NETO1: variants seen among roughly 807,000 people sequenced by gnomAD.
The protein encoded by NETO1 is neuropilin and tolloid like 1, also known as neuropilin and tolloid-like protein 1.
Under a neutral mutation model 61.3 loss-of-function variants are expected in NETO1, and 26 were observed. The observed-to-expected ratio is 0.42, with a 90% CI of 0.31 to 0.59. NETO1 has a LOEUF of 0.59. NETO1 is among the 20% of genes least tolerant of loss of function. NETO1 has a pLI of 0.12. For missense variants in NETO1, 531 were observed against 662.8 expected, an observed-to-expected ratio of 0.80 and a Z score of 2.18; for synonymous variants, 225 against 225.8, an observed-to-expected ratio of 1.00 and a Z score of 0.03.
At position 72,747,470 on chromosome 18, in the gene NETO1, T is replaced by A. The variant is rs1421646741; in HGVS notation, c.*709A>T. On this transcript the variant is annotated 3_prime_UTR_variant, in exon 11 of 11. Coordinates refer to ENST00000327305, the MANE Select transcript of NETO1 (RefSeq NM_138966.5). ...AAACATTTCTACTGTAGAGTATGAA[T>A]GGTAAAATACCTGACTTCAAAAAGG... The A allele has an allele frequency of 7.1e-6, 1 of 141,500 alleles. No individual in the cohort carries two copies. Among genetic ancestry groups the A allele is most frequent in the Non-Finnish European group, 1.6e-5 (1 of 62,394 alleles). The allele number at this position is 141,500 out of a possible 1,614,324, so 8.8% of individuals were successfully genotyped here.
chr18:72,802,721 C>T (rs35817156), intron 4 of NETO1, among the ~76,000 whole-genome samples: 33,026 of 152,118 alleles, frequency 0.22, 4,437 homozygotes, highest in East Asian at 0.43. Context: ...GGTGTCTTAG[C>T]AATGAATCAG....
chr18:72,748,317 G>A (rs962687603), intron 10 of NETO1, 153 bp from the exon 11 acceptor site: 2 of 983,696 alleles, frequency 2.0e-6, no homozygotes, highest in African/African-American at 3.5e-5. Flanking sequence ...TAGCTGTCAA[G>A]CAGATTCAAT....
intron 7 of NETO1, among the ~76,000 whole-genome samples, chr18:72,759,984 G>A (rs1483252455): frequency 6.6e-6 from 1 of 152,152 alleles, no homozygotes; most frequent in Non-Finnish European, 1.5e-5. Context: ...AGCAAATAGA[G>A]CTTCCCATTG....
At chr18:72,844,362 T>C (rs960354667) in intron 4 of NETO1, among the ~76,000 whole-genome samples, 2 of 152,212 alleles carry the variant, frequency 1.3e-5, no homozygotes, top group East Asian at 3.9e-4. Flanking sequence ...CTCTCTCTGC[T>C]CAATCATCCA....
intron 6 of NETO1, among the ~76,000 whole-genome samples, chr18:72,792,158 G>A (rs763598626): frequency 1.8e-4 from 28 of 152,118 alleles, no homozygotes; most frequent in Non-Finnish European, 4.0e-4. Context: ...TTCACTGGGC[G>A]TGGTGATTCA....
At chr18:72,838,328 A>C (rs911375469) in intron 4 of NETO1, among the ~76,000 whole-genome samples, 29 of 152,214 alleles carry the variant, frequency 1.9e-4, no homozygotes, top group Admixed American at 8.5e-4. Flanking sequence ...TTATGTGAGC[A>C]CTTTGGACTC....
chr18:72,843,238 T>C (rs1473577151), intron 4 of NETO1, among the ~76,000 whole-genome samples: 3 of 152,226 alleles, frequency 2.0e-5, no homozygotes, highest in East Asian at 3.8e-4. Flanking sequence ...TTAACTTTAC[T>C]GTGCTATGGC....
At chr18:72,849,606 TTTTA>T (rs2074191288) in intron 4 of NETO1, among the ~76,000 whole-genome samples, 1 of 152,232 alleles carries the variant, frequency 6.6e-6, no homozygotes, top group Non-Finnish European at 1.5e-5. Context: ...ATTTTAAGGT[TTTTA>T]TTTATTTATT....
At chr18:72,831,619 A>G (rs2073581648) in intron 4 of NETO1, among the ~76,000 whole-genome samples, 3 of 152,206 alleles carry the variant, frequency 2.0e-5, no homozygotes, top group Admixed American at 6.5e-5. Context: ...TTGTGATCCA[A>G]TGGTGATTCT....
intron 4 of NETO1, among the ~76,000 whole-genome samples, chr18:72,852,525 CT>C (rs1337075567): frequency 6.6e-6 from 1 of 152,104 alleles, no homozygotes; most frequent in Non-Finnish European, 1.5e-5. Context: ...GGAAGACACT[CT>C]TTCTTTATGG....
In NETO1 at chr18:72,772,797, C is replaced by A. The variant is rs1249184690; in HGVS notation, c.868+10881G>T. 3.9e-3 allele frequency among the ~76,000 whole-genome samples: 112 copies of A among 28,496 alleles called. 9 individuals are homozygous for A. Among genetic ancestry groups the A allele is most frequent in the South Asian group, 0.013 (6 of 452 alleles). 18.7% of individuals were successfully genotyped at this position (28,496 alleles called of 152,430 possible). A position where few individuals can be genotyped will look rare whatever the true frequency, so the allele number is the denominator to read the frequency against. ...TATATACAGATCTCTATATAGTTCT[C>A]TCTCTCTCTCTCTCTCTCTCTCTCT... On this transcript the variant is annotated intron_variant, in intron 7 of 10. Transcript: ENST00000327305.
intron 4 of NETO1, among the ~76,000 whole-genome samples, chr18:72,825,724 T>A (rs930688368): frequency 6.6e-6 from 1 of 152,198 alleles, no homozygotes; most frequent in Non-Finnish European, 1.5e-5. Context: ...AAATCTTTGT[T>A]AATACTTGAA....
chr18:72,823,699 G>A (rs980022711), intron 4 of NETO1, among the ~76,000 whole-genome samples: 2 of 152,100 alleles, frequency 1.3e-5, no homozygotes, highest in Admixed American at 6.6e-5. Context: ...TTTTTCAATA[G>A]ATTTTTAAAA....
intron 4 of NETO1, among the ~76,000 whole-genome samples, chr18:72,850,079 A>T (rs1489488931): frequency 6.6e-6 from 1 of 152,192 alleles, no homozygotes; most frequent in Non-Finnish European, 1.5e-5. Context: ...CCACCTTCAC[A>T]TCTCTTTGCC....
intron 8 of NETO1, among the ~76,000 whole-genome samples, chr18:72,753,317 T>C (rs2145092844): frequency 6.6e-6 from 1 of 151,098 alleles, no homozygotes; most frequent in African/African-American, 2.4e-5. Context: ...ACACCTGAGT[T>C]ATCATCAGTG....
At chr18:72,866,847 G>C in intron 1 of NETO1, 1 of 992,588 alleles carries the variant, frequency 1.0e-6, no homozygotes. Flanking sequence ...GCTACCTCCT[G>C]TACTGCGAAC....
intron 4 of NETO1, among the ~76,000 whole-genome samples, chr18:72,824,261 C>T (rs761052753): frequency 5.7e-4 from 87 of 152,296 alleles, no homozygotes; most frequent in African/African-American, 2.0e-3. Context: ...AGAACTACTA[C>T]ATTCAAATCT....
chr18:72,804,429 AC>A (rs1270021293), intron 4 of NETO1, among the ~76,000 whole-genome samples: 1 of 152,194 alleles, frequency 6.6e-6, no homozygotes, highest in Non-Finnish European at 1.5e-5. Flanking sequence ...ACTACTGTTA[AC>A]TGATTAGATT....
intron 1 of NETO1, among the ~76,000 whole-genome samples, chr18:72,866,471 G>A (rs12956413): frequency 0.013 from 1,942 of 151,998 alleles, 31 homozygotes; most frequent in Middle Eastern, 0.037. Context: ...CTCACACCCA[G>A]AACACACAGG....
Sources: allele counts gnomAD v4.1 joint callset (sites outside exome capture counted in the v4.1 genomes callset), GRCh38; gene constraint gnomAD v4.1.1; transcripts MANE v1.5; gene names NCBI Gene and HGNC (gene_info 2026-07-23, HGNC 2026-07-21).